The following LLGL2 variants were observed in gnomAD, a reference collection of about 807,000 sequenced individuals.
LLGL2 encodes the protein LLGL2, scribble cell polarity complex component.
LLGL2 carries 81 observed loss-of-function variants against 123.2 expected under a neutral mutation model. The observed-to-expected ratio is 0.66, with a 90% confidence interval of 0.55 to 0.79. The LOEUF (loss-of-function observed/expected upper bound fraction) is 0.79, where lower values mean the gene tolerates loss of function less well. Ranked by LOEUF, LLGL2 falls within the 30% of genes least tolerant of loss-of-function variation. The pLI, the probability that LLGL2 is intolerant of heterozygous loss-of-function variation, is 0.00. For missense variants in LLGL2, 1,273 were observed against 1,414.6 expected, an observed-to-expected ratio of 0.90 and a Z score of 1.61; for synonymous variants, 577 against 594.1, an observed-to-expected ratio of 0.97 and a Z score of 0.42.
Position 75,559,332 on chromosome 17 carries a change from G to A in LLGL2, c.452G>A (p.Gly151Asp), listed in dbSNP as rs749278321. The change falls in exon 6 of 26, where the codon GGC becomes GAC. Residue 151 changes from glycine to aspartate, a missense_variant. Physicochemically the swap from Gly to Asp is moderately conservative, Grantham distance 94 (BLOSUM62 -1). Transcript: ENST00000392550. This position sits in a 1 kb window ranked among gnomAD's most constrained non-coding sequence, Gnocchi z 4.6. ...CTGCTCTACCTGGGCACCGAGAGTG[G>A]CAACGTGTTTGTGGTGCAGCTGCCA... ...CELLYLGTES[G>D]NVFVVQLPAF... 6.2e-7 allele frequency: 1 copy of A among 1,613,602 alleles called. No individual in the cohort carries two copies. Among genetic ancestry groups the A allele is most frequent in the South Asian group, 1.1e-5 (1 of 91,082 alleles).
At chr17:75,572,927 T>G in intron 19 of LLGL2, 87 bp from the exon 20 acceptor site, 2 of 1,474,984 alleles carry the variant, frequency 1.4e-6, no homozygotes, top group Admixed American at 2.0e-5. Flanking sequence ...CCGGGAGGCA[T>G]GTGGGGAGGG....
chr17:75,570,986 C>G lies in LLGL2; in HGVS notation c.2062C>G (p.Leu688Val). ...EGSAKAERPG[L>V]QNMELAPVQR... ...GAGTGCCAAGGCTGAGCGGCCAGGC[C>G]TCCAGAACATGGAGCTGGCGCCTGT... Residue 688 changes from leucine to valine, a missense_variant, in exon 17 of 26, where the codon CTC becomes GTC. Physicochemically the swap from Leu to Val is conservative, Grantham distance 32 (BLOSUM62 1). Transcript: ENST00000392550. 1.2e-6 allele frequency: 2 copies of G among 1,612,680 alleles called. No individual in the cohort carries two copies. Among genetic ancestry groups the G allele is most frequent in the Non-Finnish European group, 1.7e-6 (2 of 1,179,774 alleles).
intron 2 of LLGL2, among the ~76,000 whole-genome samples, chr17:75,553,655 A>G (rs998995255): frequency 6.6e-6 from 1 of 152,174 alleles, no homozygotes; most frequent in Non-Finnish European, 1.5e-5. Flanking sequence ...TTGACATAGC[A>G]TCGCTTTGTG....
intron 6 of LLGL2, among the ~76,000 whole-genome samples, chr17:75,560,456 C>T (rs967847691): frequency 2.6e-5 from 4 of 152,092 alleles, no homozygotes; most frequent in African/African-American, 9.7e-5. Context: ...GAGAGCCCCT[C>T]CTGCCAGTTT....
At chr17:75,553,680 C>T (rs542544356) in intron 2 of LLGL2, among the ~76,000 whole-genome samples, 4 of 152,296 alleles carry the variant, frequency 2.6e-5, no homozygotes, top group Admixed American at 2.6e-4. Context: ...TCTCACCTAG[C>T]TCTGCAGGGT....
At chr17:75,543,581 T>TTAATCCAGGTAAGA in intron 2 of LLGL2, 80 bp downstream of exon 2, 3 of 1,129,822 alleles carry the variant, frequency 2.7e-6, no homozygotes, top group African/African-American at 1.5e-5. Context: ...ACCTCTTACC[T>TTAATCCAGGTAAGA]GGATTAAGGT....
Position 75,544,228 on chromosome 17 carries a change from C to G in LLGL2, c.75+727C>G, listed in dbSNP as rs532209301. On this transcript the variant is annotated intron_variant, in intron 2 of 25. Transcript: ENST00000392550. The surrounding 1 kb of genome is among the most constrained non-coding windows in gnomAD (Gnocchi z 4.2). ...GTGTGGGGCCTTGTGAGGTAATGAT[C>G]TTCTCACCTCTGCTTTGCGCCTCTG... 6.6e-6 allele frequency among the ~76,000 whole-genome samples: 1 copy of G among 152,226 alleles called. No homozygotes were observed.
At position 75,573,289 on chromosome 17, in the gene LLGL2, C is replaced by T. The variant is rs367870566; in HGVS notation, c.2725+11C>T. ...CCAAATATGGCCAAGGTGTTTGAGC[C>T]GGGCTGGGTGGGTGTCGGGGCCCCG... On this transcript the variant is annotated intron_variant, in intron 20 of 25. Transcript: ENST00000392550. 8 of 1,587,702 alleles carry T rather than the reference C, an allele frequency of 5.0e-6. No homozygotes were observed. The highest frequency in any genetic ancestry group is 3.4e-5 in the Admixed American group (2 of 59,232).
intron 23 of LLGL2, 79 bp downstream of exon 23, chr17:75,574,339 A>G: frequency 6.6e-7 from 1 of 1,523,778 alleles, no homozygotes; most frequent in Non-Finnish European, 8.8e-7. Context: ...TGGGCAGGCC[A>G]CTGCCCTGAG....
rs763545776 is a variant in LLGL2 at position 75,564,525 on chromosome 17, G to A, written c.1036+18G>A. On this transcript the variant is annotated intron_variant, in intron 10 of 25. Coordinates refer to ENST00000392550, the MANE Select transcript of LLGL2 (RefSeq NM_001031803.2). This position sits in a 1 kb window ranked among gnomAD's most constrained non-coding sequence, Gnocchi z 4.9. ...TGCAGCCAGTAGGAGAGCTTCGGGA[G>A]TGGGTGCCCAGGGTTAGGTGTGGGA... 1 of 1,612,992 alleles carries A rather than the reference G, an allele frequency of 6.2e-7. No individual in the cohort carries two copies. The highest frequency in any genetic ancestry group is 8.5e-7 in the Non-Finnish European group (1 of 1,179,856).
At chr17:75,554,182 A>G (rs1317274409) in intron 2 of LLGL2, among the ~76,000 whole-genome samples, 1 of 151,774 alleles carries the variant, frequency 6.6e-6, no homozygotes, top group African/African-American at 2.4e-5. Context: ...GGTGCCTGTA[A>G]TCCTAGCTCC....
chr17:75,570,839 G>A (rs979987872), intron 16 of LLGL2, 111 bp from the exon 17 acceptor site: 1 of 1,383,880 alleles, frequency 7.2e-7, no homozygotes, highest in Non-Finnish European at 9.7e-7. Flanking sequence ...CCTGGCAGGT[G>A]GCTGGCATGG....
chr17:75,568,178 T>G, intron 10 of LLGL2: 4 of 1,300,852 alleles, frequency 3.1e-6, no homozygotes, highest in Non-Finnish European at 3.9e-6. Context: ...GGGAAGAGGG[T>G]TGGCAGGCAC....
chr17:75,537,809 C>CTT (rs563954111), intron 1 of LLGL2, among the ~76,000 whole-genome samples: 3,663 of 130,172 alleles, frequency 0.028, 79 homozygotes, highest in Middle Eastern at 0.098. Context: ...GGAAGGTGAC[C>CTT]TTTTTTTTTT....
In LLGL2 at chr17:75,574,000, C is replaced by T; in HGVS notation, c.2905+20C>T. 6.4e-7 allele frequency: 1 copy of T among 1,550,664 alleles called. No homozygotes were observed. The highest frequency in any genetic ancestry group is 8.7e-7 in the Non-Finnish European group (1 of 1,146,924). ...GCGAGGGTAAGACAGGCCTCCTGGG[C>T]TCATGCACACCTGGGCCACACCCGG... On this transcript the variant is annotated intron_variant, in intron 22 of 25. Coordinates refer to ENST00000392550, the MANE Select transcript of LLGL2 (RefSeq NM_001031803.2).
At chr17:75,556,539 T>TG (rs1176843121) in intron 3 of LLGL2, among the ~76,000 whole-genome samples, 1 of 152,106 alleles carries the variant, frequency 6.6e-6, no homozygotes, top group Non-Finnish European at 1.5e-5. Flanking sequence ...GTGAGGCTGC[T>TG]GGGGGGCTCA....
intron 1 of LLGL2, among the ~76,000 whole-genome samples, chr17:75,526,390 C>T (rs976210129): frequency 6.6e-6 from 1 of 152,244 alleles, no homozygotes; most frequent in Non-Finnish European, 1.5e-5. Flanking sequence ...TGGACACCTT[C>T]ACATGACAGT....
At chr17:75,536,050 C>CT (rs1326987297) in intron 1 of LLGL2, among the ~76,000 whole-genome samples, 1 of 152,234 alleles carries the variant, frequency 6.6e-6, no homozygotes. Flanking sequence ...GCTCTAAACC[C>CT]TGGCGCCCGC....
rs201510982 is a variant in LLGL2, at chr17:75,564,521, G to T, written c.1036+14G>T. ...ACCCTGCAGCCAGTAGGAGAGCTTC[G>T]GGAGTGGGTGCCCAGGGTTAGGTGT... On this transcript the variant is annotated intron_variant, in intron 10 of 25. Coordinates refer to ENST00000392550, the MANE Select transcript of LLGL2 (RefSeq NM_001031803.2). The surrounding 1 kb of genome is among the most constrained non-coding windows in gnomAD (Gnocchi z 4.9). The T allele has an allele frequency of 2.5e-6, 4 of 1,612,822 alleles. No homozygotes were observed. The highest frequency in any genetic ancestry group is 1.7e-6 in the Non-Finnish European group (2 of 1,179,854).
Sources: gnomAD v4.1 joint callset for allele counts (sites outside exome capture counted in the v4.1 genomes callset) on GRCh38, gnomAD v4.1.1 for gene constraint, Gnocchi (gnomAD v3.1) non-coding constraint, MANE v1.5 for transcripts, NCBI Gene and HGNC (gene_info 2026-07-23, HGNC 2026-07-21) for gene names.